The following RAB10 variants were observed in gnomAD, a reference collection of about 807,000 sequenced individuals.
The protein encoded by RAB10 is ras-related protein Rab-10.
Under a neutral mutation model 25.7 loss-of-function variants are expected in RAB10, and 5 were observed. The ratio of observed to expected loss-of-function variants is 0.19; its 90% CI spans 0.10 to 0.41. RAB10 has a LOEUF of 0.41. RAB10 is among the 10% of genes least tolerant of loss of function. The pLI is 1.00. For synonymous variants in RAB10, 89 were observed against 86.4 expected (o/e 1.03, Z -0.16); for missense variants, 103 against 245.8 (o/e 0.42, Z 3.89).
chr2:26,079,995 C>G (rs537753355), intron 1 of RAB10, among the ~76,000 whole-genome samples: 1 of 152,238 alleles, frequency 6.6e-6, no homozygotes, highest in African/African-American at 2.4e-5. Flanking sequence ...ACTAGGGCCC[C>G]TGAAGAACTT....
chr2:26,119,009 A>G (rs1667749193), intron 3 of RAB10, among the ~76,000 whole-genome samples: 1 of 152,240 alleles, frequency 6.6e-6, no homozygotes, highest in East Asian at 1.9e-4. Context: ...TGTATGAGAG[A>G]AGTTCTGTGT....
intron 1 of RAB10, among the ~76,000 whole-genome samples, chr2:26,074,184 GAT>G (rs1491085057): frequency 6.8e-6 from 1 of 147,250 alleles, no homozygotes; most frequent in East Asian, 2.0e-4. Context: ...AGCCTGAGAT[GAT>G]GGTATGGTAG....
intron 1 of RAB10, among the ~76,000 whole-genome samples, chr2:26,069,301 TGTA>T (rs1666577273): frequency 6.6e-6 from 1 of 152,294 alleles, no homozygotes; most frequent in South Asian, 2.1e-4. Flanking sequence ...AATGCTGAGT[TGTA>T]GTGTTCTTTG....
intron 3 of RAB10, among the ~76,000 whole-genome samples, chr2:26,125,550 A>G (rs1367914762): frequency 1.3e-5 from 2 of 151,130 alleles, no homozygotes; most frequent in Non-Finnish European, 2.9e-5. Flanking sequence ...CCCAGGCTCA[A>G]GTGATTCTCC....
intron 1 of RAB10, among the ~76,000 whole-genome samples, chr2:26,074,889 G>A (rs1390710709): frequency 6.6e-6 from 1 of 152,180 alleles, no homozygotes; most frequent in Non-Finnish European, 1.5e-5. Context: ...AGGATCGAAC[G>A]AGTAAATGCT....
chr2:26,076,108 G>C (rs974683939), intron 1 of RAB10, among the ~76,000 whole-genome samples: 9 of 152,106 alleles, frequency 5.9e-5, no homozygotes, highest in Non-Finnish European at 1.3e-4. Context: ...TTAATTGAGG[G>C]CTGTTTATGT....
At chr2:26,041,904 C>CA (rs1043924338) in intron 1 of RAB10, among the ~76,000 whole-genome samples, 35 of 149,034 alleles carry the variant, frequency 2.3e-4, no homozygotes, top group South Asian at 1.1e-3. Context: ...AACTCTGTCT[C>CA]AAAAAAAAAG....
chr2:26,086,460 G>A (rs1005611075), intron 1 of RAB10, among the ~76,000 whole-genome samples: 1 of 152,200 alleles, frequency 6.6e-6, no homozygotes, highest in African/African-American at 2.4e-5. Context: ...AAAGTAACAA[G>A]TATGATTGAG....
At chr2:26,078,182 T>G (rs1666780470) in intron 1 of RAB10, among the ~76,000 whole-genome samples, 1 of 152,068 alleles carries the variant, frequency 6.6e-6, no homozygotes, top group African/African-American at 2.4e-5. Context: ...TTTTAAAAGA[T>G]CTAAGTAAAT....
At chr2:26,066,429 G>A (rs1666513418) in intron 1 of RAB10, among the ~76,000 whole-genome samples, 1 of 152,224 alleles carries the variant, frequency 6.6e-6, no homozygotes, top group Admixed American at 6.5e-5. Flanking sequence ...TGAATTAAAT[G>A]TTGATTGTAT....
At chr2:26,088,826 T>A (rs917031592) in intron 1 of RAB10, among the ~76,000 whole-genome samples, 1 of 151,974 alleles carries the variant, frequency 6.6e-6, no homozygotes, top group African/African-American at 2.4e-5. Flanking sequence ...GGTTTCACCG[T>A]GTTGGCAAGA....
intron 1 of RAB10, among the ~76,000 whole-genome samples, chr2:26,091,714 C>T (rs951066581): frequency 2.0e-5 from 3 of 151,994 alleles, no homozygotes; most frequent in African/African-American, 7.3e-5. Flanking sequence ...AGCCATGAAA[C>T]TAGGGAATGC....
At chr2:26,132,881 CAG>C (rs752097048) in intron 5 of RAB10, among the ~76,000 whole-genome samples, 1 of 151,472 alleles carries the variant, frequency 6.6e-6, no homozygotes, top group African/African-American at 2.4e-5. Context: ...TGGAAGTTCC[CAG>C]AGAGAGAGTA....
intron 1 of RAB10, among the ~76,000 whole-genome samples, chr2:26,076,657 A>G (rs1463271612): frequency 2.0e-5 from 3 of 152,088 alleles, no homozygotes; most frequent in Non-Finnish European, 4.4e-5. Flanking sequence ...AAAAGTGTCA[A>G]AAGAGGCCAG....
chr2:26,079,880 G>A (rs970904480), intron 1 of RAB10, among the ~76,000 whole-genome samples: 3 of 152,144 alleles, frequency 2.0e-5, no homozygotes, highest in African/African-American at 7.2e-5. Context: ...TGCCCAGGCT[G>A]AACTCCTGGG....
intron 1 of RAB10, among the ~76,000 whole-genome samples, chr2:26,042,322 C>A (rs575707175): frequency 6.6e-6 from 1 of 152,176 alleles, no homozygotes; most frequent in South Asian, 2.1e-4. Context: ...TAGGTTGGTT[C>A]CACTAACCTG....
intron 1 of RAB10, among the ~76,000 whole-genome samples, chr2:26,080,554 A>C (rs1666848076): frequency 6.6e-6 from 1 of 152,128 alleles, no homozygotes; most frequent in African/African-American, 2.4e-5. Flanking sequence ...TCAAATGTAC[A>C]CAGGAGTACA....
intron 1 of RAB10, among the ~76,000 whole-genome samples, chr2:26,049,712 A>G (rs2149263633): frequency 6.6e-6 from 1 of 152,294 alleles, no homozygotes; most frequent in Admixed American, 6.5e-5. Flanking sequence ...TGAGAATTTT[A>G]ACCTTTTATA....
chr2:26,065,804 C>G (rs74727282), intron 1 of RAB10, among the ~76,000 whole-genome samples: 261 of 152,166 alleles, frequency 1.7e-3, no homozygotes, highest in African/African-American at 5.6e-3. Flanking sequence ...TGTACATTTC[C>G]ACATCTACAG....
Sources: allele counts gnomAD v4.1 joint callset (sites outside exome capture counted in the v4.1 genomes callset), GRCh38; gene constraint gnomAD v4.1.1; transcripts MANE v1.5; gene names NCBI Gene and HGNC (gene_info 2026-07-23, HGNC 2026-07-21).